ABCA13: variants seen among roughly 807,000 people sequenced by gnomAD.
ABCA13 encodes the protein ATP binding cassette subfamily A member 13.
In ABCA13, 476 loss-of-function variants were observed where a neutral mutation model predicts 478.7. The ratio of observed to expected loss-of-function variants is 0.99; its 90% confidence interval spans 0.92 to 1.07. The LOEUF is 1.07. Ranked by LOEUF, ABCA13 falls within the 50% of genes least tolerant of loss-of-function variation. The pLI is 0.00. For missense variants in ABCA13, 6,060 were observed against 5,910.6 expected (o/e 1.03, Z -0.83); for synonymous variants, 2,252 against 2,158.9 (o/e 1.04, Z -1.20).
intron 59 of ABCA13, among the ~76,000 whole-genome samples, chr7:48,624,689 G>A (rs1793497763): frequency 6.6e-6 from 1 of 151,934 alleles, no homozygotes; most frequent in African/African-American, 2.4e-5. Context: ...CCAAGTAGCT[G>A]GGATTACAGG....
At chr7:48,623,190 A>T (rs933818855) in intron 59 of ABCA13, among the ~76,000 whole-genome samples, 1 of 152,154 alleles carries the variant, frequency 6.6e-6, no homozygotes, top group African/African-American at 2.4e-5. Context: ...CTTTTGGCAA[A>T]ATTTTAATAT....
At chr7:48,606,035 T>G (rs1369546639) in intron 58 of ABCA13, among the ~76,000 whole-genome samples, 1 of 152,224 alleles carries the variant, frequency 6.6e-6, no homozygotes, top group African/African-American at 2.4e-5. Flanking sequence ...CTTCACGAAG[T>G]TCTCTTGCTG....
intron 58 of ABCA13, among the ~76,000 whole-genome samples, chr7:48,606,225 A>G (rs1332072147): frequency 1.3e-5 from 2 of 152,148 alleles, no homozygotes; most frequent in African/African-American, 4.8e-5. Context: ...CCGTTCGTCA[A>G]ACTTATTCTC....
In ABCA13 at chr7:48,240,942, A is replaced by C; in HGVS notation, c.1138A>C (p.Arg380=). 1 of 1,613,482 alleles carries C rather than the reference A, an allele frequency of 6.2e-7. No individual in the cohort carries two copies. Among genetic ancestry groups the C allele is most frequent in the Middle Eastern group, 1.7e-4 (1 of 6,058 alleles). ...TGMGHSLEAL[R]NQFEEESKPW... ...CATGGGCCATAGTCTGGAGGCTCTCAGGAATCAGTTTGAAGAAGAGAGCAA... is the reference window on the plus strand; with the variant it reads ...CATGGGCCATAGTCTGGAGGCTCTCCGGAATCAGTTTGAAGAAGAGAGCAA... The change falls in exon 10 of 62, where the codon AGG becomes CGG. Residue 380 remains arginine, a synonymous_variant. Coordinates refer to ENST00000435803, the MANE Select transcript of ABCA13 (RefSeq NM_152701.5).
At chr7:48,383,093 G>A (rs1010927180) in intron 35 of ABCA13, among the ~76,000 whole-genome samples, 1 of 152,152 alleles carries the variant, frequency 6.6e-6, no homozygotes, top group Non-Finnish European at 1.5e-5. Flanking sequence ...AAAATGCTTA[G>A]TTATTCATTT....
At chr7:48,202,324 C>T (rs575048131) in intron 3 of ABCA13, among the ~76,000 whole-genome samples, 1 of 152,214 alleles carries the variant, frequency 6.6e-6, no homozygotes, top group South Asian at 2.1e-4. Flanking sequence ...AGGTTCTCCA[C>T]GTCCCCATCA....
chr7:48,254,855 T>G (rs1793150574), intron 15 of ABCA13, among the ~76,000 whole-genome samples: 1 of 152,190 alleles, frequency 6.6e-6, no homozygotes, highest in East Asian at 1.9e-4. Flanking sequence ...TTTCCTAGTC[T>G]TGTGAGGCTT....
chr7:48,299,524 C>A (rs1799851708), intron 23 of ABCA13, among the ~76,000 whole-genome samples: 1 of 152,168 alleles, frequency 6.6e-6, no homozygotes, highest in African/African-American at 2.4e-5. Flanking sequence ...TGTCTCTTCC[C>A]TACCTCGCAT....
At position 48,272,190 on chromosome 7, in the gene ABCA13, A is replaced by G. The variant is rs1225776867; in HGVS notation, c.2524A>G (p.Ile842Val). Residue 842 changes from isoleucine (I) to valine (V), a missense_variant, in exon 17 of 62, where the codon ATT becomes GTT. By Grantham distance (29) the Ile-to-Val change is conservative (BLOSUM62 3). This residue lies in a region of ABCA13 where 4,423 missense variants were observed against 4,309.1 expected (regional missense o/e 1.03). Coordinates refer to ENST00000435803, the MANE Select transcript of ABCA13 (RefSeq NM_152701.5). ...PKLLELWAYG[I>V]SKGKRAKLEN... ...ATTACTAGAATTATGGGCCTATGGC[A>G]TTTCAAAAGGAAAAAGAGCTAAATT... is the stretch of plus-strand genomic sequence containing the variant. The G allele has an allele frequency of 6.2e-7, 1 of 1,611,868 alleles. No homozygotes were observed. Among genetic ancestry groups the G allele is most frequent in the Non-Finnish European group, 8.5e-7 (1 of 1,179,160 alleles).
At chr7:48,223,435 C>T (rs1219083030) in intron 5 of ABCA13, among the ~76,000 whole-genome samples, 1 of 152,014 alleles carries the variant, frequency 6.6e-6, no homozygotes, top group African/African-American at 2.4e-5. Context: ...AAAAGAGTAT[C>T]AGGCAAGGAG....
chr7:48,574,168 TTTGATTA>T (rs1319950396), intron 55 of ABCA13, among the ~76,000 whole-genome samples: 2 of 152,104 alleles, frequency 1.3e-5, no homozygotes, highest in East Asian at 3.9e-4. Flanking sequence ...ACTGATAAAT[TTTGATTA>T]AATGAAAATA....
At chr7:48,450,395 TAA>T (rs972525380) in intron 42 of ABCA13, among the ~76,000 whole-genome samples, 1 of 152,160 alleles carries the variant, frequency 6.6e-6, no homozygotes, top group African/African-American at 2.4e-5. Context: ...TGAAGAAGAA[TAA>T]AAGAGTCATA....
chr7:48,377,003 G>A (rs1253149990), intron 35 of ABCA13, among the ~76,000 whole-genome samples: 1 of 152,184 alleles, frequency 6.6e-6, no homozygotes, highest in African/African-American at 2.4e-5. Flanking sequence ...GTCGGTGCAT[G>A]GCAGGACCTG....
intron 1 of ABCA13, among the ~76,000 whole-genome samples, chr7:48,189,999 C>A (rs1796881441): frequency 6.6e-6 from 1 of 152,110 alleles, no homozygotes; most frequent in African/African-American, 2.4e-5. Flanking sequence ...TTATTATATG[C>A]TTAACTTGTG....
At chr7:48,337,503 A>G (rs1206028524) in intron 28 of ABCA13, among the ~76,000 whole-genome samples, 1 of 152,236 alleles carries the variant, frequency 6.6e-6, no homozygotes, top group African/African-American at 2.4e-5. Flanking sequence ...TGAGAAATAA[A>G]AGAGCTAATT....
chr7:48,200,609 CAA>C (rs1327996857), intron 3 of ABCA13, among the ~76,000 whole-genome samples: 2 of 151,874 alleles, frequency 1.3e-5, no homozygotes, highest in African/African-American at 4.8e-5. Flanking sequence ...TGGTAGTGCC[CAA>C]GTCAGAGGTA....
intron 59 of ABCA13, among the ~76,000 whole-genome samples, chr7:48,625,581 G>A (rs904371258): frequency 2.0e-5 from 3 of 152,046 alleles, no homozygotes; most frequent in Non-Finnish European, 4.4e-5. Flanking sequence ...TGTGTAATTT[G>A]TCATCTCATT....
chr7:48,220,109 T>C (rs1787148807), intron 4 of ABCA13, among the ~76,000 whole-genome samples: 13 of 152,186 alleles, frequency 8.5e-5, no homozygotes, highest in Admixed American at 8.5e-4. Flanking sequence ...ACATCCACAT[T>C]ATAAATGGCT....
intron 31 of ABCA13, among the ~76,000 whole-genome samples, chr7:48,362,716 A>G (rs1811077454): frequency 6.6e-6 from 1 of 151,500 alleles, no homozygotes; most frequent in Non-Finnish European, 1.5e-5. Context: ...AGTAATATAA[A>G]CCCTTGTTTT....
Sources: gnomAD v4.1 joint callset for allele counts (sites outside exome capture counted in the v4.1 genomes callset) on GRCh38, gnomAD v4.1.1 for gene constraint, gnomAD v4.1.1 regional missense constraint, MANE v1.5 for transcripts, NCBI Gene and HGNC (gene_info 2026-07-23, HGNC 2026-07-21) for gene names.